ETV6: variants seen among roughly 807,000 people sequenced by gnomAD.
The protein encoded by ETV6 is ETS variant transcription factor 6, also known as transcription factor ETV6.
A neutral mutation model predicts 51.1 loss-of-function variants in ETV6; 16 were observed. That is an observed-to-expected ratio of 0.31 (90% CI 0.21 to 0.48). The LOEUF is 0.48. Ranked by LOEUF, ETV6 falls within the 20% of genes least tolerant of loss-of-function variation. The pLI, the probability that ETV6 is intolerant of heterozygous loss-of-function variation, is 0.99. For synonymous variants in ETV6, 240 were observed against 224.1 expected (o/e 1.07, Z -0.64); for missense variants, 458 against 594.8 (o/e 0.77, Z 2.39).
chr12:11,704,564 C>A (rs1177615211), intron 1 of ETV6, among the ~76,000 whole-genome samples: 3 of 152,184 alleles, frequency 2.0e-5, no homozygotes, highest in African/African-American at 7.2e-5. Context: ...CCAGGCTAGT[C>A]TCAAACTCCT....
At chr12:11,811,679 C>T (rs780187249) in intron 2 of ETV6, among the ~76,000 whole-genome samples, 2 of 151,962 alleles carry the variant, frequency 1.3e-5, no homozygotes, top group African/African-American at 2.4e-5. Context: ...TTGGTTGGAA[C>T]GAAGCAAAAT....
chr12:11,767,066 A>G (rs1435261333), intron 2 of ETV6, among the ~76,000 whole-genome samples: 1 of 152,204 alleles, frequency 6.6e-6, no homozygotes, highest in Non-Finnish European at 1.5e-5. Flanking sequence ...GGATGGCGGT[A>G]TCATTTGGGG....
In ETV6 at chr12:11,869,745, G is replaced by A; in HGVS notation, c.785G>A (p.Ser262Asn). Residue 262 changes from serine to asparagine, a missense_variant, in exon 5 of 8, where the codon AGC (serine) becomes AAC (asparagine). Physicochemically the swap from Ser to Asn is conservative, Grantham distance 46. Coordinates refer to ENST00000396373, the MANE Select transcript of ETV6 (RefSeq NM_001987.5). This position sits in a 1 kb window ranked among gnomAD's most constrained non-coding sequence, Gnocchi z 5.0. ...AAGCCATCCAGCCCCCGGCAGGAGAGCACACGCGTGATCCAGCTGATGCCC... is the reference window on the plus strand; with the variant it reads ...AAGCCATCCAGCCCCCGGCAGGAGAACACACGCGTGATCCAGCTGATGCCC... ...HPKPSSPRQE[S>N]TRVIQLMPSP... 6.2e-7 allele frequency: 1 copy of A among 1,613,700 alleles called. No individual in the cohort carries two copies. Among genetic ancestry groups the A allele is most frequent in the Non-Finnish European group, 8.5e-7 (1 of 1,180,014 alleles).
chr12:11,690,583 T>C (rs1223187979), intron 1 of ETV6, among the ~76,000 whole-genome samples: 1 of 151,952 alleles, frequency 6.6e-6, no homozygotes, highest in Non-Finnish European at 1.5e-5. Flanking sequence ...GGAGCAAGAC[T>C]CTGTCTCTAA....
chr12:11,651,123 A>G (rs1591584987), intron 1 of ETV6, among the ~76,000 whole-genome samples: 1 of 152,192 alleles, frequency 6.6e-6, no homozygotes, highest in Non-Finnish European at 1.5e-5. Flanking sequence ...CCATCGCTGC[A>G]TTTATTGTAC....
chr12:11,856,075 T>C (rs952493604), intron 4 of ETV6, among the ~76,000 whole-genome samples: 4 of 152,188 alleles, frequency 2.6e-5, no homozygotes, highest in East Asian at 1.9e-4. Flanking sequence ...TGGAGGCTTA[T>C]GGTCTCTCCT....
In ETV6 at chr12:11,841,021, G is replaced by A. The variant is rs187460444; in HGVS notation, c.328+1717G>A. Among the ~76,000 whole-genome samples, 4 of 152,274 alleles carry A rather than the reference G, an allele frequency of 2.6e-5. No homozygotes were observed. In the East Asian group the frequency reaches 7.7e-4, roughly 29 times the overall value. ...AACCATTCATGTAAAGCAAGCAAAG[G>A]AAAATACAGTGGTGGGTTTTGACTT... On this transcript the variant is annotated intron_variant, in intron 3 of 7. Coordinates refer to ENST00000396373, the MANE Select transcript of ETV6 (RefSeq NM_001987.5).
rs777582893 is a variant in ETV6, at chr12:11,894,409, A to G, written c.*3363A>G. Reference sequence around the variant, plus strand: ...CTAGACTGGCTATGTTGAAGGTAACATGAACTCTAAGATCTTGACCCAGGG... The same window carrying G: ...CTAGACTGGCTATGTTGAAGGTAACGTGAACTCTAAGATCTTGACCCAGGG... On this transcript the variant is annotated 3_prime_UTR_variant, in exon 8 of 8. Transcript: ENST00000396373. 3 of 219,946 alleles carry G rather than the reference A, an allele frequency of 1.4e-5. No homozygotes were observed. The highest frequency in any genetic ancestry group is 1.3e-4 in the Admixed American group (2 of 15,850). The allele number at this position is 219,946 out of a possible 1,614,324, so 13.6% of individuals were successfully genotyped here. A position where few individuals can be genotyped will look rare whatever the true frequency, so the allele number is the denominator to read the frequency against.
At chr12:11,718,277 C>A (rs1169456521) in intron 1 of ETV6, among the ~76,000 whole-genome samples, 1 of 152,192 alleles carries the variant, frequency 6.6e-6, no homozygotes, top group African/African-American at 2.4e-5. Flanking sequence ...CAAAGCCTCA[C>A]CCCTTGCCTG....
chr12:11,869,898 C>G lies in ETV6; in HGVS notation c.938C>G (p.Ala313Gly), dbSNP rs771593728. The G allele has an allele frequency of 1.2e-6, 2 of 1,612,584 alleles. No individual in the cohort carries two copies. The highest frequency in any genetic ancestry group is 1.1e-5 in the South Asian group (1 of 91,084). The change falls in exon 5 of 8, where the codon GCT becomes GGT. Residue 313 changes from alanine to glycine, a missense_variant. Physicochemically the swap from Ala to Gly is moderately conservative, Grantham distance 60. Transcript: ENST00000396373. The surrounding 1 kb of genome is among the most constrained non-coding windows in gnomAD (Gnocchi z 5.0). The part of the protein sequence containing the change: ...PINLSHREDL[A>G]YMNHIMVSVS... Reference sequence around the variant, plus strand: ...AACCTCTCTCATCGGGAAGACCTGGCTTACATGAACCACATCATGGTCTCT... The same window carrying G: ...AACCTCTCTCATCGGGAAGACCTGGGTTACATGAACCACATCATGGTCTCT...
At chr12:11,780,903 C>T (rs1452356881) in intron 2 of ETV6, among the ~76,000 whole-genome samples, 3 of 152,300 alleles carry the variant, frequency 2.0e-5, no homozygotes, top group East Asian at 1.9e-4. Context: ...TTCTTCATGG[C>T]GAAGTTAAGC....
At position 11,752,456 on chromosome 12, in the gene ETV6, C is replaced by T. The variant is rs1475305922; in HGVS notation, c.40C>T (p.Arg14Ter). 1.9e-6 allele frequency: 3 copies of T among 1,610,468 alleles called. No individual in the cohort carries two copies. The highest frequency in any genetic ancestry group is 1.1e-5 in the South Asian group (1 of 90,836). ...CTGCCCTTATTTTTAACAGCAGGAA[C>T]GAATTTCATATACACCTCCAGAGAG... ...TPAQCSIKQE[R>*]ISYTPPESPV... Residue 14 changes from arginine to a stop codon, truncating the protein, a stop_gained, in exon 2 of 8, where the codon CGA (arginine) becomes TGA (stop). Transcript: ENST00000396373. LOFTEE classifies it high-confidence loss of function.
chr12:11,720,669 A>C (rs1017587979), intron 1 of ETV6, among the ~76,000 whole-genome samples: 1 of 152,202 alleles, frequency 6.6e-6, no homozygotes, highest in Non-Finnish European at 1.5e-5. Context: ...TAGCCTTGGC[A>C]AAGGATTTTT....
intron 7 of ETV6, among the ~76,000 whole-genome samples, chr12:11,887,797 C>A (rs1377291554): frequency 6.6e-6 from 1 of 151,516 alleles, no homozygotes; most frequent in Non-Finnish European, 1.5e-5. Flanking sequence ...TTATTGAATT[C>A]TTTACTCATC....
Position 11,892,683 on chromosome 12 carries a change from G to C in ETV6, c.*1637G>C. On this transcript the variant is annotated 3_prime_UTR_variant, in exon 8 of 8. Transcript: ENST00000396373. ...GGGGGAGAAACTCACAGCTCCTCCG[G>C]GATACATATGTGCCCTCAGCAGCAG... 1 of 232,942 alleles carries C rather than the reference G, an allele frequency of 4.3e-6. No homozygotes were observed. The highest frequency in any genetic ancestry group is 8.5e-6 in the Non-Finnish European group (1 of 117,950). 14.4% of individuals were successfully genotyped at this position (232,942 alleles called of 1,614,324 possible). A position where few individuals can be genotyped will look rare whatever the true frequency, so the allele number is the denominator to read the frequency against.
chr12:11,783,680 A>G (rs550700406), intron 2 of ETV6, among the ~76,000 whole-genome samples: 1 of 152,336 alleles, frequency 6.6e-6, no homozygotes, highest in African/African-American at 2.4e-5. Flanking sequence ...TAAGAGGCAA[A>G]GTAAAAATGG....
intron 4 of ETV6, among the ~76,000 whole-genome samples, chr12:11,857,581 C>T (rs1470461502): frequency 1.3e-5 from 2 of 152,176 alleles, no homozygotes; most frequent in Non-Finnish European, 2.9e-5. Context: ...CCCATACCAA[C>T]ACACTTATGA....
chr12:11,670,317 A>C (rs1296378664), intron 1 of ETV6, among the ~76,000 whole-genome samples: 1 of 152,226 alleles, frequency 6.6e-6, no homozygotes, highest in Non-Finnish European at 1.5e-5. Context: ...AAAAGCTTAA[A>C]AATTACCCTT....
intron 1 of ETV6, among the ~76,000 whole-genome samples, chr12:11,705,311 C>T (rs948850921): frequency 5.3e-5 from 8 of 152,286 alleles, no homozygotes; most frequent in Middle Eastern, 3.4e-3. Context: ...ATTTTTTCTA[C>T]AATAGCCAAA....
Sources: allele counts gnomAD v4.1 joint callset (sites outside exome capture counted in the v4.1 genomes callset), GRCh38; gene constraint gnomAD v4.1.1; non-coding constraint Gnocchi (gnomAD v3.1); transcripts MANE v1.5; gene names NCBI Gene and HGNC (gene_info 2026-07-23, HGNC 2026-07-21).